Variants in SEMA3A observed in about 807,000 individuals in gnomAD.
The protein encoded by SEMA3A is semaphorin 3A.
A neutral mutation model predicts 97.9 loss-of-function variants in SEMA3A; 29 were observed. The ratio of observed to expected loss-of-function variants is 0.30; its 90% CI spans 0.22 to 0.40. The LOEUF (loss-of-function observed/expected upper bound fraction) is 0.40. Among genes scored for constraint, SEMA3A ranks in the 10% least tolerant of loss-of-function variants. The pLI is 1.00. For synonymous variants in SEMA3A, 321 were observed against 323.7 expected (o/e 0.99, Z 0.09); for missense variants, 763 against 951.3 (o/e 0.80, Z 2.60).
intron 6 of SEMA3A, among the ~76,000 whole-genome samples, chr7:84,036,402 G>T (rs1298125524): frequency 6.6e-6 from 1 of 152,082 alleles, no homozygotes; most frequent in Non-Finnish European, 1.5e-5. Flanking sequence ...TTAAAAAAAT[G>T]GAAGTTGCCA....
chr7:84,075,152 T>C (rs1464017473), intron 4 of SEMA3A, among the ~76,000 whole-genome samples: 1 of 151,924 alleles, frequency 6.6e-6, no homozygotes, highest in Admixed American at 6.6e-5. Context: ...AGAAATGCTT[T>C]GCCTCTGCCC....
At chr7:84,002,745 A>C (rs6959932) in intron 11 of SEMA3A, among the ~76,000 whole-genome samples, 36,963 of 151,962 alleles carry the variant, frequency 0.24, 4,659 homozygotes, top group South Asian at 0.31. Context: ...CATTTTAGAG[A>C]ATTAAGGAAA....
At chr7:84,101,448 A>G (rs765531320) in intron 4 of SEMA3A, among the ~76,000 whole-genome samples, 3 of 152,130 alleles carry the variant, frequency 2.0e-5, no homozygotes, top group Non-Finnish European at 4.4e-5. Context: ...TGAAGTTTTC[A>G]CCATAAAATG....
chr7:84,445,336 C>T (rs1397952808), intron 1 of SEMA3A, among the ~76,000 whole-genome samples: 1 of 150,028 alleles, frequency 6.7e-6, no homozygotes, highest in Non-Finnish European at 1.5e-5. Context: ...CTAAAAAATA[C>T]AACAAAAATT....
chr7:84,018,921 AAAAC>A (rs373230608), intron 6 of SEMA3A, among the ~76,000 whole-genome samples: 20 of 152,250 alleles, frequency 1.3e-4, no homozygotes, highest in African/African-American at 4.3e-4. Context: ...AAAACAAACA[AAAAC>A]AAAACAAAAA....
chr7:84,015,994 T>C (rs1791083288), intron 6 of SEMA3A, among the ~76,000 whole-genome samples: 1 of 152,144 alleles, frequency 6.6e-6, no homozygotes, highest in Non-Finnish European at 1.5e-5. Flanking sequence ...AATAATACAA[T>C]ACTCTAACCT....
chr7:84,347,797 A>G (rs919636902), intron 2 of SEMA3A, among the ~76,000 whole-genome samples: 2 of 152,104 alleles, frequency 1.3e-5, no homozygotes, highest in African/African-American at 4.8e-5. Flanking sequence ...TGAAAATGCA[A>G]AGTTTGAGAT....
intron 4 of SEMA3A, among the ~76,000 whole-genome samples, chr7:84,069,084 A>G (rs779118166): frequency 2.6e-5 from 4 of 152,106 alleles, no homozygotes; most frequent in Non-Finnish European, 4.4e-5. Flanking sequence ...CAGTCTAGTG[A>G]GATGAGGATC....
chr7:84,329,687 C>G (rs902739643), intron 2 of SEMA3A, among the ~76,000 whole-genome samples: 1 of 151,806 alleles, frequency 6.6e-6, no homozygotes, highest in Non-Finnish European at 1.5e-5. Flanking sequence ...AGATGGAGGC[C>G]GTAGTTTTGT....
At chr7:84,029,151 CTTTT>C (rs925572195) in intron 6 of SEMA3A, among the ~76,000 whole-genome samples, 13 of 152,078 alleles carry the variant, frequency 8.5e-5, no homozygotes, top group African/African-American at 2.9e-4. Flanking sequence ...ATTTATATAA[CTTTT>C]TTTGTTATTT....
intron 1 of SEMA3A, among the ~76,000 whole-genome samples, chr7:84,456,608 T>TA (rs1805692283): frequency 6.6e-6 from 1 of 151,856 alleles, no homozygotes; most frequent in South Asian, 2.1e-4. Context: ...TTGATTTAGG[T>TA]AACTGCATAC....
chr7:84,367,092 C>A (rs1479495385), intron 2 of SEMA3A, among the ~76,000 whole-genome samples: 1 of 151,158 alleles, frequency 6.6e-6, no homozygotes, highest in East Asian at 1.9e-4. Context: ...GAATCTGATT[C>A]ATAGACAGTT....
rs550382353 is a variant in SEMA3A at position 84,110,539 on chromosome 7, G to A, written c.384C>T (p.His128=). The A allele has an allele frequency of 4.3e-6, 7 of 1,613,948 alleles. No individual in the cohort carries two copies. In the East Asian group the frequency reaches 6.7e-5, roughly 15 times the overall value. The change falls in exon 4 of 17, where the codon CAC becomes CAT. Residue 128 remains histidine, a synonymous_variant. Transcript: ENST00000265362. ...AAGCCCCCGTTCCACAGGCGTACAA[G>A]TGAGTCTGATTATATGCCTTAAGTA... is the stretch of plus-strand genomic sequence containing the variant. ...IKVLKAYNQT[H]LYACGTGAFH... is the part of the protein sequence containing the mutation.
At position 84,194,588 on chromosome 7, in the gene SEMA3A, C is replaced by A; in HGVS notation, c.-2G>T. On this transcript the variant is annotated 5_prime_UTR_variant, in exon 1 of 17. Coordinates refer to ENST00000265362, the MANE Select transcript of SEMA3A (RefSeq NM_006080.3). ...GACAATCCTAGTTAACCAGCCCATG[C>A]TGCAGACGCTGTAGGTCCCTTTGCT... The A allele has an allele frequency of 1.3e-6, 2 of 1,574,056 alleles. No individual in the cohort carries two copies. Among genetic ancestry groups the A allele is most frequent in the Non-Finnish European group, 1.7e-6 (2 of 1,143,580 alleles).
chr7:84,231,785 G>C (rs1286984249), intron 3 of SEMA3A, among the ~76,000 whole-genome samples: 1 of 151,842 alleles, frequency 6.6e-6, no homozygotes, highest in African/African-American at 2.4e-5. Flanking sequence ...ACTAAGCTGA[G>C]TGTGAAAAGA....
Position 84,422,176 on chromosome 7 carries a change from T to C in SEMA3A, c.-245-50276A>G, listed in dbSNP as rs543265828. 3.9e-5 allele frequency among the ~76,000 whole-genome samples: 6 copies of C among 152,260 alleles called. No individual in the cohort carries two copies. In the East Asian group the frequency reaches 1.2e-3, roughly 29 times the overall value. On this transcript the variant is annotated intron_variant, in intron 1 of 3. Transcript: ENST00000424555. ...TTTTTTTTGGTTGGTAGGCTATTAA[T>C]TACTGCCTCAATTTCAGAACTTGTT...
intron 3 of SEMA3A, among the ~76,000 whole-genome samples, chr7:84,301,155 T>C (rs1167322621): frequency 6.6e-6 from 1 of 151,990 alleles, no homozygotes; most frequent in African/African-American, 2.4e-5. Context: ...GAAGAAAACA[T>C]CAGAGAAAAC....
At chr7:84,032,091 G>A (rs1270563066) in intron 6 of SEMA3A, among the ~76,000 whole-genome samples, 1 of 152,112 alleles carries the variant, frequency 6.6e-6, no homozygotes, top group Non-Finnish European at 1.5e-5. Context: ...CAAAATGGAG[G>A]TTTGTTTTGA....
intron 1 of SEMA3A, among the ~76,000 whole-genome samples, chr7:84,475,176 GTTTTT>G (rs966926278): frequency 6.8e-6 from 1 of 147,686 alleles, no homozygotes; most frequent in Non-Finnish European, 1.5e-5. Context: ...TGTGTGTTTT[GTTTTT>G]TTTTTAACTA....
Sources: allele counts gnomAD v4.1 joint callset (sites outside exome capture counted in the v4.1 genomes callset), GRCh38; gene constraint gnomAD v4.1.1; transcripts MANE v1.5; gene names NCBI Gene and HGNC (gene_info 2026-07-23, HGNC 2026-07-21).